The following XRCC4 variants were observed in gnomAD, a reference collection of about 807,000 sequenced individuals.
The protein encoded by XRCC4 is X-ray repair cross complementing 4.
In XRCC4, 28 loss-of-function variants were observed where a neutral mutation model predicts 39.1. The ratio of observed to expected loss-of-function variants is 0.72; its 90% confidence interval spans 0.53 to 0.98. The LOEUF is 0.98. Among genes scored for constraint, XRCC4 ranks in the 50% least tolerant of loss-of-function variants. The probability of loss-of-function intolerance (pLI) is 0.00; values close to 1 mark genes in which losing one functional copy is unlikely to be tolerated. For missense variants in XRCC4, 350 were observed against 376.4 expected (o/e 0.93, Z 0.58); for synonymous variants, 123 against 126.4 (o/e 0.97, Z 0.18).
In XRCC4 at chr5:83,353,190, C is replaced by G; in HGVS notation, c.953C>G (p.Ser318Cys). 1 of 1,612,430 alleles carries G rather than the reference C, an allele frequency of 6.2e-7. No homozygotes were observed. Among genetic ancestry groups the G allele is most frequent in the Admixed American group, 1.7e-5 (1 of 59,806 alleles). The change falls in exon 8 of 8, where the codon TCT becomes TGT. Residue 318 changes from serine (S) to cysteine (C), a missense_variant. Coordinates refer to ENST00000396027, the MANE Select transcript of XRCC4 (RefSeq NM_003401.5). ...KKEHISAENM[S>C]LETLRNSSPE... The stretch of plus-strand genomic sequence containing the variant: ...GAGCACATCTCAGCTGAAAACATGT[C>G]TTTAGAAACTCTGAGAAACAGCAGC...
chr5:83,111,947 T>C (rs1746463621), intron 3 of XRCC4, among the ~76,000 whole-genome samples: 1 of 152,122 alleles, frequency 6.6e-6, no homozygotes, highest in South Asian at 2.1e-4. Flanking sequence ...TTAACAGAAA[T>C]GTATTGAGAA....
intron 6 of XRCC4, among the ~76,000 whole-genome samples, chr5:83,245,418 A>G (rs771248237): frequency 6.6e-6 from 1 of 152,092 alleles, no homozygotes; most frequent in Non-Finnish European, 1.5e-5. Flanking sequence ...ATTACCCACA[A>G]TTAGTAGATT....
At chr5:83,165,887 CT>C (rs34887034) in intron 3 of XRCC4, among the ~76,000 whole-genome samples, 3,895 of 125,716 alleles carry the variant, frequency 0.031, 41 homozygotes, top group Admixed American at 0.04. Flanking sequence ...TTTTTTCTTT[CT>C]TTTTTTTTTT....
At chr5:83,248,393 A>C (rs1753187022) in intron 6 of XRCC4, among the ~76,000 whole-genome samples, 1 of 152,204 alleles carries the variant, frequency 6.6e-6, no homozygotes, top group African/African-American at 2.4e-5. Context: ...AAACTATAGC[A>C]GTAATCTAAG....
intron 1 of XRCC4, among the ~76,000 whole-genome samples, chr5:83,092,402 T>A (rs1039611786): frequency 2.0e-5 from 3 of 152,170 alleles, no homozygotes; most frequent in African/African-American, 2.4e-5. Context: ...TTTCCTATGC[T>A]TTTAATGTCA....
At chr5:83,129,600 A>G (rs373021798) in intron 3 of XRCC4, among the ~76,000 whole-genome samples, 1 of 152,044 alleles carries the variant, frequency 6.6e-6, no homozygotes, top group African/African-American at 2.4e-5. Flanking sequence ...GATTCTTCCT[A>G]TCCATGAGCA....
In XRCC4 at chr5:83,248,214, T is replaced by C. The variant is rs1476376882; in HGVS notation, c.746-10316T>C. On this transcript the variant is annotated intron_variant, in intron 6 of 7. Coordinates refer to ENST00000396027, the MANE Select transcript of XRCC4 (RefSeq NM_003401.5). The stretch of plus-strand genomic sequence containing the variant: ...CATCTAACAAAATTCAGTATAATTG[T>C]AGAAGTAAGCTGACCAGGAAAAGAA... Among the ~76,000 whole-genome samples, 4 of 152,180 alleles carry C rather than the reference T, an allele frequency of 2.6e-5. No individual in the cohort carries two copies. In the East Asian group the frequency reaches 7.7e-4, roughly 29 times the overall value.
chr5:83,279,655 AT>A (rs1441371502), intron 7 of XRCC4, among the ~76,000 whole-genome samples: 1 of 152,208 alleles, frequency 6.6e-6, no homozygotes, highest in African/African-American at 2.4e-5. Context: ...AAAGATTTAA[AT>A]TTACAGTTTC....
At chr5:83,224,180 A>G (rs972790557) in intron 6 of XRCC4, among the ~76,000 whole-genome samples, 1 of 151,646 alleles carries the variant, frequency 6.6e-6, no homozygotes, top group African/African-American at 2.4e-5. Flanking sequence ...ATTATTTTCT[A>G]GTGTTTTTTT....
chr5:83,183,412 T>TTG (rs369446374), intron 3 of XRCC4, among the ~76,000 whole-genome samples: 9,621 of 139,240 alleles, frequency 0.069, 312 homozygotes, highest in Non-Finnish European at 0.086. Context: ...TTTCATTTAT[T>TTG]TGTGTGTGTG....
chr5:83,158,820 A>T (rs1162981273), intron 3 of XRCC4, among the ~76,000 whole-genome samples: 1 of 152,118 alleles, frequency 6.6e-6, no homozygotes, highest in Non-Finnish European at 1.5e-5. Context: ...ATCTTATATA[A>T]AAAACATTGA....
intron 6 of XRCC4, 98 bp downstream of exon 6, chr5:83,205,019 C>T: frequency 1.3e-6 from 1 of 782,922 alleles, no homozygotes; most frequent in Non-Finnish European, 2.0e-6. Context: ...TGTGAAAGAC[C>T]TTATTCTATG....
chr5:83,290,769 T>C (rs1406061944), intron 7 of XRCC4, among the ~76,000 whole-genome samples: 1 of 151,830 alleles, frequency 6.6e-6, no homozygotes, highest in East Asian at 1.9e-4. Flanking sequence ...TTTTATCCTT[T>C]TGTCAATGCC....
intron 7 of XRCC4, among the ~76,000 whole-genome samples, chr5:83,319,977 T>G (rs1051080467): frequency 4.7e-5 from 7 of 148,504 alleles, no homozygotes; most frequent in Non-Finnish European, 8.9e-5. Context: ...ACAATGATAG[T>G]CTGGATTAAG....
intron 7 of XRCC4, among the ~76,000 whole-genome samples, chr5:83,274,497 A>G (rs1754257341): frequency 6.6e-6 from 1 of 152,210 alleles, no homozygotes; most frequent in African/African-American, 2.4e-5. Context: ...GGTGGGGAGC[A>G]AAACAGCTGA....
intron 7 of XRCC4, chr5:83,259,306 G>GT (rs1164845863): frequency 1.7e-4 from 26 of 152,204 alleles, no homozygotes; most frequent in African/African-American, 6.0e-4. Context: ...GTATCTTTGG[G>GT]TATGTGTATG....
At chr5:83,103,867 G>C (rs1275031379) in intron 1 of XRCC4, among the ~76,000 whole-genome samples, 4 of 152,262 alleles carry the variant, frequency 2.6e-5, no homozygotes, top group Non-Finnish European at 5.9e-5. Flanking sequence ...ATCTCTGTTA[G>C]AAGATAAGAT....
intron 6 of XRCC4, among the ~76,000 whole-genome samples, chr5:83,248,393 A>G (rs1753187022): frequency 6.6e-6 from 1 of 152,204 alleles, no homozygotes; most frequent in East Asian, 1.9e-4. Flanking sequence ...AAACTATAGC[A>G]GTAATCTAAG....
At chr5:83,182,056 AGAAAACCTCT>A (rs1394661215) in intron 3 of XRCC4, among the ~76,000 whole-genome samples, 1 of 152,194 alleles carries the variant, frequency 6.6e-6, no homozygotes, top group Non-Finnish European at 1.5e-5. Flanking sequence ...CCAAACAGGA[AGAAAACCTCT>A]GGTTTTCTCA....
Sources: allele counts gnomAD v4.1 joint callset (sites outside exome capture counted in the v4.1 genomes callset), GRCh38; gene constraint gnomAD v4.1.1; transcripts MANE v1.5; gene names NCBI Gene and HGNC (gene_info 2026-07-23, HGNC 2026-07-21).